Variants in ZNF566 observed in about 807,000 individuals in gnomAD.
ZNF566 encodes zinc finger protein 566.
In ZNF566, 27 loss-of-function variants were observed where a neutral mutation model predicts 32.8. The observed-to-expected ratio is 0.82, with a 90% CI of 0.61 to 1.14. The LOEUF (loss-of-function observed/expected upper bound fraction) is 1.14. Ranked by LOEUF, ZNF566 falls within the 50% of genes most tolerant of loss-of-function variation. ZNF566 has a pLI of 0.00. For synonymous variants in ZNF566, 154 were observed against 159.5 expected (o/e 0.97, Z 0.26); for missense variants, 402 against 490.4 (o/e 0.82, Z 1.70).
At chr19:36,482,082 G>C (rs1486476363) in intron 1 of ZNF566, among the ~76,000 whole-genome samples, 1 of 152,172 alleles carries the variant, frequency 6.6e-6, no homozygotes, top group East Asian at 1.9e-4. Flanking sequence ...CAAGGAGTCT[G>C]TGGGAACTAA....
At chr19:36,458,323 A>C (rs2033371575) in intron 4 of ZNF566, among the ~76,000 whole-genome samples, 1 of 152,156 alleles carries the variant, frequency 6.6e-6, no homozygotes, top group African/African-American at 2.4e-5. Flanking sequence ...GAATATTAAG[A>C]CTTAAAAATG....
intron 4 of ZNF566, among the ~76,000 whole-genome samples, chr19:36,469,965 A>G (rs1260021508): frequency 6.6e-6 from 1 of 152,132 alleles, no homozygotes; most frequent in Non-Finnish European, 1.5e-5. Context: ...TGTAGAAACT[A>G]TTACATACCT....
At chr19:36,463,379 TATA>T (rs1439694064) in intron 4 of ZNF566, among the ~76,000 whole-genome samples, 2 of 152,134 alleles carry the variant, frequency 1.3e-5, no homozygotes, top group African/African-American at 4.8e-5. Flanking sequence ...TCAAATGAAC[TATA>T]AGCCCTTTTT....
intron 2 of ZNF566, among the ~76,000 whole-genome samples, chr19:36,475,579 C>T (rs889389739): frequency 1.3e-5 from 2 of 152,146 alleles, no homozygotes; most frequent in Admixed American, 6.5e-5. Flanking sequence ...AATCACTGTC[C>T]AAGCAAATTA....
intron 4 of ZNF566, among the ~76,000 whole-genome samples, chr19:36,461,634 G>C (rs1204486254): frequency 3.9e-5 from 6 of 152,012 alleles, no homozygotes; most frequent in Admixed American, 3.9e-4. Flanking sequence ...TCACGCCACT[G>C]CACTCCAGCC....
chr19:36,455,341 T>C (rs2033272379), intron 4 of ZNF566, among the ~76,000 whole-genome samples: 1 of 152,062 alleles, frequency 6.6e-6, no homozygotes, highest in Non-Finnish European at 1.5e-5. Flanking sequence ...CTGCTCAACA[T>C]AGTACCAAAA....
At position 36,449,111 on chromosome 19, in the gene ZNF566, C is replaced by A; in HGVS notation, c.1123G>T (p.Ala375Ser). ...KPYECKICGKAYSQSSQLISH... is the reference protein window; with the variant it reads ...KPYECKICGKSYSQSSQLISH... The stretch of plus-strand genomic sequence containing the variant: ...ATAAGCTGTGAACTCTGAGAATAAG[C>A]CTTCCCACATATCTTACATTCATAG... Residue 375 changes from alanine (A) to serine (S), a missense_variant, in exon 5 of 5, where the codon GCT becomes TCT. By Grantham distance (99) the Ala-to-Ser change is moderately conservative. Transcript: ENST00000452939. 6.2e-7 allele frequency: 1 copy of A among 1,614,006 alleles called. No individual in the cohort carries two copies. Among genetic ancestry groups the A allele is most frequent in the South Asian group, 1.1e-5 (1 of 91,074 alleles).
Position 36,445,156 on chromosome 19 carries a change from CTA to C in ZNF566, c.*3819_*3820del, listed in dbSNP as rs1223456043. On this transcript the variant is annotated 3_prime_UTR_variant, in exon 5 of 5. Coordinates refer to ENST00000452939, the MANE Select transcript of ZNF566 (RefSeq NM_001145344.1). ...AACATCTTTATTTCCAAATAATAAA[CTA>C]TATATTAATAATATATACATACATC... 2.0e-5 allele frequency: 3 copies of C among 151,954 alleles called. No individual in the cohort carries two copies. The highest frequency in any genetic ancestry group is 7.3e-5 in the African/African-American group (3 of 41,370). The allele number at this position is 151,954 out of a possible 1,614,324, so 9.4% of individuals were successfully genotyped here.
chr19:36,472,676 A>C (rs757467597), intron 4 of ZNF566, among the ~76,000 whole-genome samples: 15 of 152,198 alleles, frequency 9.9e-5, no homozygotes, highest in Non-Finnish European at 1.8e-4. Context: ...TATCACTAGA[A>C]AGGGTGGAGG....
At chr19:36,478,355 AAC>A (rs1298096137) in intron 1 of ZNF566, among the ~76,000 whole-genome samples, 3 of 152,204 alleles carry the variant, frequency 2.0e-5, no homozygotes, top group Non-Finnish European at 2.9e-5. Flanking sequence ...AAGATCTGGA[AAC>A]AGAGTTCCTT....
At chr19:36,487,800 G>A (rs1568536838) in intron 1 of ZNF566, among the ~76,000 whole-genome samples, 1 of 150,286 alleles carries the variant, frequency 6.7e-6, no homozygotes, top group Non-Finnish European at 1.5e-5. Context: ...AGGAGGCTGA[G>A]GCAGGAGAAT....
intron 4 of ZNF566, among the ~76,000 whole-genome samples, chr19:36,462,437 T>G (rs1470732816): frequency 3.9e-5 from 6 of 152,034 alleles, no homozygotes; most frequent in Admixed American, 1.3e-4. Context: ...CTCTGCTATG[T>G]ATTTTCTGCA....
At chr19:36,454,562 A>G (rs1196021305) in intron 4 of ZNF566, among the ~76,000 whole-genome samples, 1 of 152,180 alleles carries the variant, frequency 6.6e-6, no homozygotes, top group Non-Finnish European at 1.5e-5. Flanking sequence ...TTAAAACAAC[A>G]ACAACAACAC....
chr19:36,483,121 G>C (rs544188073), intron 1 of ZNF566, among the ~76,000 whole-genome samples: 1 of 152,318 alleles, frequency 6.6e-6, no homozygotes, highest in African/African-American at 2.4e-5. Context: ...GAACGTATCT[G>C]TGAAACTGAC....
chr19:36,481,802 A>G (rs759815514), intron 1 of ZNF566, among the ~76,000 whole-genome samples: 17 of 152,224 alleles, frequency 1.1e-4, no homozygotes, highest in Non-Finnish European at 2.1e-4. Flanking sequence ...AATATTGTAA[A>G]TGACCTAAAT....
intron 1 of ZNF566, among the ~76,000 whole-genome samples, chr19:36,479,586 T>C (rs565779228): frequency 6.6e-6 from 1 of 152,350 alleles, no homozygotes; most frequent in Non-Finnish European, 1.5e-5. Context: ...ACATATACCA[T>C]ATGTACTATA....
chr19:36,482,236 G>A (rs1205473011), intron 1 of ZNF566, among the ~76,000 whole-genome samples: 2 of 152,164 alleles, frequency 1.3e-5, no homozygotes, highest in African/African-American at 4.8e-5. Flanking sequence ...CTCTCCAGTA[G>A]CTGGGACTAC....
intron 1 of ZNF566, among the ~76,000 whole-genome samples, chr19:36,479,749 C>A (rs1478677744): frequency 6.6e-6 from 1 of 152,202 alleles, no homozygotes; most frequent in African/African-American, 2.4e-5. Flanking sequence ...ATTCTCCCAC[C>A]CCAGCCTCCT....
chr19:36,472,480 T>TA lies in ZNF566; in HGVS notation c.232+430dup, dbSNP rs531972995. Among the ~76,000 whole-genome samples the TA allele has an allele frequency of 7.0e-4, 106 of 152,236 alleles. 3 individuals are homozygous for TA. In the South Asian group the frequency reaches 0.022, roughly 31 times the overall value. ...ATGTTAGAAAATCAGTAAATGTTGG[T>TA]AAAAAATATGAATGAATCAATGAGG... On this transcript the variant is annotated intron_variant, in intron 4 of 4. Transcript: ENST00000452939.
Sources: gnomAD v4.1 joint callset for allele counts (sites outside exome capture counted in the v4.1 genomes callset) on GRCh38, gnomAD v4.1.1 for gene constraint, MANE v1.5 for transcripts, NCBI Gene and HGNC (gene_info 2026-07-23, HGNC 2026-07-21) for gene names.